CRKL: variants seen among roughly 807,000 people sequenced by gnomAD.
CRKL encodes CRK like proto-oncogene, adaptor protein.
CRKL carries 3 observed loss-of-function variants against 23.0 expected under a neutral mutation model. The ratio of observed to expected loss-of-function variants is 0.13; its 90% CI spans 0.06 to 0.34. The LOEUF (loss-of-function observed/expected upper bound fraction) is 0.34. Among genes scored for constraint, CRKL ranks in the 10% least tolerant of loss-of-function variants. CRKL has a pLI of 1.00. For missense variants in CRKL, 256 were observed against 394.5 expected, an observed-to-expected ratio of 0.65 and a Z score of 2.97; for synonymous variants, 188 against 160.7, an observed-to-expected ratio of 1.17 and a Z score of -1.28.
At chr22:20,923,967 G>A (rs1006831304) in intron 1 of CRKL, among the ~76,000 whole-genome samples, 7 of 151,862 alleles carry the variant, frequency 4.6e-5, no homozygotes, top group Non-Finnish European at 1.0e-4. Context: ...CAGGAGGATC[G>A]CTAGATCCCA....
At chr22:20,927,797 C>G (rs1472418055) in intron 1 of CRKL, among the ~76,000 whole-genome samples, 1 of 140,004 alleles carries the variant, frequency 7.1e-6, no homozygotes, top group Non-Finnish European at 1.5e-5. Flanking sequence ...GAGTTGAGAT[C>G]GCACCATTGC....
chr22:20,934,299 T>G, intron 2 of CRKL, 55 bp downstream of exon 2: 2 of 1,456,194 alleles, frequency 1.4e-6, no homozygotes, highest in Non-Finnish European at 1.9e-6. Flanking sequence ...TTTTAATTTT[T>G]AGTTTTAGTT....
At position 20,934,061 on chromosome 22, in the gene CRKL, T is replaced by C. The variant is rs141971963; in HGVS notation, c.594T>C (p.Tyr198=). 6.1e-5 allele frequency: 99 copies of C among 1,614,092 alleles called. No individual in the cohort carries two copies. Among genetic ancestry groups the C allele is most frequent in the Admixed American group, 1.0e-4 (6 of 60,002 alleles). ...GKHGNRNSNS[Y]GIPEPAHAYA... ...ATGGAAATAGGAATTCCAACAGTTA[T>C]GGGATCCCAGAACCTGCTCATGCAT... is the stretch of plus-strand genomic sequence containing the variant. The change falls in exon 2 of 3, where the codon TAT becomes TAC. Residue 198 remains tyrosine (Y), a synonymous_variant. Transcript: ENST00000354336.
At position 20,949,981 on chromosome 22, in the gene CRKL, A is replaced by T; in HGVS notation, c.*136A>T. On this transcript the variant is annotated 3_prime_UTR_variant, in exon 3 of 3. Transcript: ENST00000354336. ...GCTTTCTGCAGACTGGCAGTCGCAC[A>T]CACATTTGGAATGCACACAGCGGCT... is the stretch of plus-strand genomic sequence containing the variant. 8.3e-7 allele frequency: 1 copy of T among 1,199,002 alleles called. No individual in the cohort carries two copies. The highest frequency in any genetic ancestry group is 1.1e-6 in the Non-Finnish European group (1 of 869,790). 74.3% of individuals were successfully genotyped at this position (1,199,002 alleles called of 1,614,324 possible). A position where few individuals can be genotyped will look rare whatever the true frequency, so the allele number is the denominator to read the frequency against.
rs769948686 is a variant in CRKL, at chr22:20,934,046, G to T, written c.579G>T (p.Arg193Ser). ...CACCACACGGAAAGCATGGAAATAGGAATTCCAACAGTTATGGGATCCCAG... is the reference window on the plus strand; with the variant it reads ...CACCACACGGAAAGCATGGAAATAGTAATTCCAACAGTTATGGGATCCCAG... The part of the protein sequence containing the change: ...RSSPHGKHGN[R>S]NSNSYGIPEP... Residue 193 changes from arginine to serine, a missense_variant, in exon 2 of 3, where the codon AGG becomes AGT. Physicochemically the swap from Arg to Ser is moderately radical, Grantham distance 110 (BLOSUM62 -1). Coordinates refer to ENST00000354336, the MANE Select transcript of CRKL (RefSeq NM_005207.4). 6.2e-7 allele frequency: 1 copy of T among 1,614,162 alleles called. No individual in the cohort carries two copies. Among genetic ancestry groups the T allele is most frequent in the Non-Finnish European group, 8.5e-7 (1 of 1,180,030 alleles).
chr22:20,923,627 T>TG (rs1400584845), intron 1 of CRKL, among the ~76,000 whole-genome samples: 1 of 140,006 alleles, frequency 7.1e-6, no homozygotes, highest in Non-Finnish European at 1.5e-5. Flanking sequence ...CAGGCTGGAG[T>TG]GTGGTGGTGC....
Position 20,949,818 on chromosome 22 carries a change from C to T in CRKL, c.885C>T (p.Asp295=), listed in dbSNP as rs768452176. 6.2e-7 allele frequency: 1 copy of T among 1,608,570 alleles called. No individual in the cohort carries two copies. The highest frequency in any genetic ancestry group is 8.5e-7 in the Non-Finnish European group (1 of 1,178,174). The change falls in exon 3 of 3, where the codon GAC becomes GAT. Residue 295 remains aspartate (D), a synonymous_variant. Transcript: ENST00000354336. ...LFPFTHVKIF[D]PQNPDENE ...CCTTTACGCACGTCAAAATCTTTGA[C>T]CCTCAAAACCCAGATGAAAACGAGT...
In CRKL at chr22:20,934,002, G is replaced by A. The variant is rs1260646700; in HGVS notation, c.535G>A (p.Glu179Lys). ...TGGGATGATTCCTGTCCCTTATGTC[G>A]AAAAGCTTGTGAGATCCTCACCACA... Reference protein sequence around the residue: ...RVGMIPVPYVEKLVRSSPHGK... With the variant: ...RVGMIPVPYVKKLVRSSPHGK... Residue 179 changes from glutamate (E) to lysine (K), a missense_variant, in exon 2 of 3, where the codon GAA becomes AAA. Coordinates refer to ENST00000354336, the MANE Select transcript of CRKL (RefSeq NM_005207.4). The A allele has an allele frequency of 3.7e-6, 6 of 1,614,164 alleles. No individual in the cohort carries two copies. The highest frequency in any genetic ancestry group is 4.2e-6 in the Non-Finnish European group (5 of 1,180,032).
At position 20,951,923 on chromosome 22, in the gene CRKL, G is replaced by T. The variant is rs1037129479; in HGVS notation, c.*2078G>T. On this transcript the variant is annotated 3_prime_UTR_variant, in exon 3 of 3. Transcript: ENST00000354336. ...ACGGTGACCGCCTCCTGCTCTGCAC[G>T]GTCTGCGGCAGTTGCCGCTTCTGGT... 4.5e-6 allele frequency: 1 copy of T among 222,646 alleles called. No homozygotes were observed. Among genetic ancestry groups the T allele is most frequent in the Admixed American group, 5.8e-5 (1 of 17,386 alleles). 13.8% of individuals were successfully genotyped at this position (222,646 alleles called of 1,614,324 possible).
intron 1 of CRKL, among the ~76,000 whole-genome samples, chr22:20,925,771 C>T (rs1921179304): frequency 6.6e-6 from 1 of 151,998 alleles, no homozygotes; most frequent in Non-Finnish European, 1.5e-5. Flanking sequence ...AGTTTTGTGA[C>T]AGTATTAAAC....
chr22:20,950,560 C>G lies in CRKL; in HGVS notation c.*715C>G, dbSNP rs1239208163. The G allele has an allele frequency of 4.5e-6, 1 of 222,164 alleles. No homozygotes were observed. The highest frequency in any genetic ancestry group is 5.8e-5 in the Admixed American group (1 of 17,382). The allele number at this position is 222,164 out of a possible 1,614,324, so 13.8% of individuals were successfully genotyped here. On this transcript the variant is annotated 3_prime_UTR_variant, in exon 3 of 3. Coordinates refer to ENST00000354336, the MANE Select transcript of CRKL (RefSeq NM_005207.4). Reference sequence around the variant, plus strand: ...TCCCAAGTAGCTGGGACTGCAGGCGCGCACACCACGCCCAGCTAATTTTTG... The same window carrying G: ...TCCCAAGTAGCTGGGACTGCAGGCGGGCACACCACGCCCAGCTAATTTTTG...
chr22:20,944,148 T>TA (rs1921972926), intron 2 of CRKL, among the ~76,000 whole-genome samples: 1 of 150,124 alleles, frequency 6.7e-6, no homozygotes, highest in Admixed American at 6.6e-5. Flanking sequence ...GCTTTTTTTT[T>TA]TTTTTTTTTT....
Position 20,917,424 on chromosome 22 carries a change from A to C in CRKL, c.-511A>C, listed in dbSNP as rs971641075. 9.9e-5 allele frequency: 22 copies of C among 222,728 alleles called. No individual in the cohort carries two copies. The highest frequency in any genetic ancestry group is 1.2e-4 in the Non-Finnish European group (13 of 111,128). The allele number at this position is 222,728 out of a possible 1,614,324, so 13.8% of individuals were successfully genotyped here. On this transcript the variant is annotated 5_prime_UTR_variant, in exon 1 of 3. Coordinates refer to ENST00000354336, the MANE Select transcript of CRKL (RefSeq NM_005207.4). ...GCGCGTGCGCAGACGGAGCGCGCTG[A>C]GCGGAGGGGGAGGTGGCTGCCGCTT...
At chr22:20,932,069 C>G (rs1305426973) in intron 1 of CRKL, among the ~76,000 whole-genome samples, 1 of 152,028 alleles carries the variant, frequency 6.6e-6, no homozygotes, top group Non-Finnish European at 1.5e-5. Context: ...CCTCAGCCTC[C>G]CAAAGTGCTG....
At position 20,917,817 on chromosome 22, in the gene CRKL, T is replaced by A; in HGVS notation, c.-118T>A. On this transcript the variant is annotated 5_prime_UTR_variant, in exon 1 of 3. Transcript: ENST00000354336. ...AGTGCTGGCCCAGCCCTCTGAGCGC[T>A]CCTCGAGGTGTGCGAGAGGCCCTTC... 1 of 983,516 alleles carries A rather than the reference T, an allele frequency of 1.0e-6. No homozygotes were observed. Among genetic ancestry groups the A allele is most frequent in the Non-Finnish European group, 1.5e-6 (1 of 677,724 alleles). 60.9% of individuals were successfully genotyped at this position (983,516 alleles called of 1,614,324 possible). A position where few individuals can be genotyped will look rare whatever the true frequency, so the allele number is the denominator to read the frequency against.
In CRKL at chr22:20,949,874, G is replaced by T. The variant is rs2147918679; in HGVS notation, c.*29G>T. On this transcript the variant is annotated 3_prime_UTR_variant, in exon 3 of 3. Coordinates refer to ENST00000354336, the MANE Select transcript of CRKL (RefSeq NM_005207.4). ...CTGTTGCCCTGTTTCCTGCTGCTTT[G>T]TTGTTCTGCCTGTCCTAGTCTCCTT... 1.3e-6 allele frequency: 2 copies of T among 1,594,136 alleles called. No homozygotes were observed. Among genetic ancestry groups the T allele is most frequent in the African/African-American group, 1.4e-5 (1 of 73,800 alleles).
At chr22:20,937,462 G>A (rs1213650689) in intron 2 of CRKL, among the ~76,000 whole-genome samples, 1 of 147,682 alleles carries the variant, frequency 6.8e-6, no homozygotes, top group Non-Finnish European at 1.5e-5. Flanking sequence ...TTAGAAACCT[G>A]TATCTAGTGT....
intron 1 of CRKL, among the ~76,000 whole-genome samples, chr22:20,926,277 G>A (rs969276034): frequency 3.9e-5 from 6 of 152,212 alleles, no homozygotes; most frequent in South Asian, 4.1e-4. Context: ...TTTAAAAAGA[G>A]AACTGTCAGA....
At chr22:20,948,097 G>T (rs1395496967) in intron 2 of CRKL, among the ~76,000 whole-genome samples, 4 of 152,206 alleles carry the variant, frequency 2.6e-5, no homozygotes, top group African/African-American at 7.2e-5. Flanking sequence ...CCATGGAGTA[G>T]ATGTTCAGTA....
Sources: gnomAD v4.1 joint callset for allele counts (sites outside exome capture counted in the v4.1 genomes callset) on GRCh38, gnomAD v4.1.1 for gene constraint, MANE v1.5 for transcripts, NCBI Gene and HGNC (gene_info 2026-07-23, HGNC 2026-07-21) for gene names.